UBAP1: variants seen among roughly 807,000 people sequenced by gnomAD.
The protein encoded by UBAP1 is ubiquitin associated protein 1.
A neutral mutation model predicts 39.0 loss-of-function variants in UBAP1; 5 were observed. The ratio of observed to expected loss-of-function variants is 0.13; its 90% CI spans 0.07 to 0.27. The LOEUF (loss-of-function observed/expected upper bound fraction) is 0.27, where lower values mean the gene tolerates loss of function less well. Ranked by LOEUF, UBAP1 falls within the 10% of genes least tolerant of loss-of-function variation. The pLI, the probability that UBAP1 is intolerant of heterozygous loss-of-function variation, is 1.00. For synonymous variants in UBAP1, 211 were observed against 225.1 expected (o/e 0.94, Z 0.56); for missense variants, 490 against 608.1 (o/e 0.81, Z 2.04).
chr9:34,223,578 C>T (rs13287188), intron 2 of UBAP1, among the ~76,000 whole-genome samples: 6,242 of 152,198 alleles, frequency 0.041, 169 homozygotes, highest in Middle Eastern at 0.075. Flanking sequence ...CTTAGCCTCC[C>T]GAGTAGCTGG....
intron 1 of UBAP1, among the ~76,000 whole-genome samples, chr9:34,183,895 C>T (rs1344595380): frequency 1.3e-5 from 2 of 151,662 alleles, no homozygotes; most frequent in African/African-American, 2.4e-5. Context: ...CCCAGGCTCC[C>T]GAGTAGCTGG....
At chr9:34,229,424 AT>A (rs1318923215) in intron 2 of UBAP1, among the ~76,000 whole-genome samples, 1 of 150,568 alleles carries the variant, frequency 6.6e-6, no homozygotes, top group African/African-American at 2.5e-5. Flanking sequence ...TGCTCGGCTA[AT>A]TTTTGTATTT....
intron 3 of UBAP1, among the ~76,000 whole-genome samples, chr9:34,240,544 G>T (rs1386241712): frequency 6.6e-6 from 1 of 152,130 alleles, no homozygotes; most frequent in Non-Finnish European, 1.5e-5. Context: ...TGTAAATTGA[G>T]CTATACTTAA....
intron 2 of UBAP1, among the ~76,000 whole-genome samples, chr9:34,229,313 A>C (rs1833283746): frequency 6.6e-6 from 1 of 150,950 alleles, no homozygotes; most frequent in Non-Finnish European, 1.5e-5. Context: ...GCTGCAGTGC[A>C]ATGACGTGAT....
intron 1 of UBAP1, among the ~76,000 whole-genome samples, chr9:34,211,241 T>A (rs1832003061): frequency 6.6e-6 from 1 of 152,204 alleles, no homozygotes; most frequent in Non-Finnish European, 1.5e-5. Context: ...AAAATGCCTT[T>A]GAGACCCCAG....
intron 1 of UBAP1, among the ~76,000 whole-genome samples, chr9:34,199,227 C>A (rs1372641372): frequency 6.6e-6 from 1 of 152,102 alleles, no homozygotes. Context: ...GGGCACACCA[C>A]CACGCCCAGC....
At chr9:34,228,580 C>G (rs7046012) in intron 2 of UBAP1, among the ~76,000 whole-genome samples, 1 of 136,696 alleles carries the variant, frequency 7.3e-6, no homozygotes, top group African/African-American at 3.0e-5. Context: ...CCCCCCCCCC[C>G]TTTTTTTTTT....
At chr9:34,206,234 T>G (rs1162877026) in intron 1 of UBAP1, 1 of 152,228 alleles carries the variant, frequency 6.6e-6, no homozygotes, top group African/African-American at 2.4e-5. Flanking sequence ...GGTGGTTTGG[T>G]TGTAGACACT....
At chr9:34,224,064 C>T in intron 2 of UBAP1, 1 of 581,222 alleles carries the variant, frequency 1.7e-6, no homozygotes, top group East Asian at 3.0e-5. Flanking sequence ...TCTGTTTGGC[C>T]ACACTGTCCC....
At chr9:34,187,123 G>A (rs978786641) in intron 1 of UBAP1, among the ~76,000 whole-genome samples, 12 of 152,238 alleles carry the variant, frequency 7.9e-5, no homozygotes, top group Admixed American at 4.6e-4. Context: ...GGTCAGGCTG[G>A]TCTTGAACTC....
intron 4 of UBAP1, among the ~76,000 whole-genome samples, chr9:34,243,478 GTTTCTTT>G (rs1834061873): frequency 6.6e-6 from 1 of 150,662 alleles, no homozygotes; most frequent in African/African-American, 2.4e-5. Context: ...GAGTTCTGGT[GTTTCTTT>G]TTTCTTTTTT....
chr9:34,225,748 C>T (rs1317581474), intron 2 of UBAP1, among the ~76,000 whole-genome samples: 1 of 150,280 alleles, frequency 6.7e-6, no homozygotes, highest in Non-Finnish European at 1.5e-5. Flanking sequence ...CCACTGCACT[C>T]CAGCCTGGGT....
intron 1 of UBAP1, among the ~76,000 whole-genome samples, chr9:34,202,624 C>CGCGT (rs1554647599): frequency 1.9e-5 from 2 of 107,326 alleles, no homozygotes; most frequent in Non-Finnish European, 3.7e-5. Context: ...TAGACAGAAA[C>CGCGT]GTGTGTGTGT....
intron 2 of UBAP1, chr9:34,224,143 G>A: frequency 1.4e-6 from 1 of 729,592 alleles, no homozygotes; most frequent in South Asian, 2.3e-5. Flanking sequence ...TGCTGATTTT[G>A]GCCTTTTTTT....
intron 1 of UBAP1, among the ~76,000 whole-genome samples, chr9:34,215,275 TAGTG>T (rs947008092): frequency 2.2e-4 from 34 of 151,984 alleles, no homozygotes; most frequent in Middle Eastern, 3.4e-3. Flanking sequence ...GTATATATGA[TAGTG>T]TGTGTGTGTG....
chr9:34,206,208 G>A (rs10971994), intron 1 of UBAP1: 49,401 of 152,100 alleles, frequency 0.32, 9,845 homozygotes, highest in Non-Finnish European at 0.45. Flanking sequence ...GATCAGACAA[G>A]ATCAGGAGCG....
At chr9:34,191,111 T>C (rs1252900545) in intron 1 of UBAP1, among the ~76,000 whole-genome samples, 2 of 152,118 alleles carry the variant, frequency 1.3e-5, no homozygotes, top group East Asian at 3.8e-4. Flanking sequence ...ACATTGACAG[T>C]GGAGATATAA....
chr9:34,221,072 A>C, intron 2 of UBAP1, 124 bp downstream of exon 2: 1 of 804,596 alleles, frequency 1.2e-6, no homozygotes, highest in Non-Finnish European at 2.0e-6. Context: ...TGACAAAAAT[A>C]AAGTTGTACA....
chr9:34,208,654 T>C (rs1436306531), intron 1 of UBAP1, among the ~76,000 whole-genome samples: 2 of 151,592 alleles, frequency 1.3e-5, no homozygotes. Flanking sequence ...GGCGGGCGCC[T>C]GTAGTCCCAG....
Sources: allele counts gnomAD v4.1 joint callset (sites outside exome capture counted in the v4.1 genomes callset), GRCh38; gene constraint gnomAD v4.1.1; transcripts MANE v1.5; gene names NCBI Gene and HGNC (gene_info 2026-07-23, HGNC 2026-07-21).